Variants in ZNF711 observed in about 807,000 individuals in gnomAD.
The protein encoded by ZNF711 is ZFX family zinc finger ZNF711.
In ZNF711, 3 loss-of-function variants were observed where a neutral mutation model predicts 43.5. The ratio of observed to expected loss-of-function variants is 0.07; its 90% CI spans 0.03 to 0.18. ZNF711 has a LOEUF of 0.18. Ranked by LOEUF, ZNF711 falls within the 10% of genes least tolerant of loss-of-function variation. The pLI is 1.00. For missense variants in ZNF711, 412 were observed against 604.0 expected, an observed-to-expected ratio of 0.68 and a Z score of 3.33; for synonymous variants, 209 against 207.7, an observed-to-expected ratio of 1.01 and a Z score of -0.06.
At chrX:85,264,131 A>T in intron 5 of ZNF711, 144 bp from the exon 6 acceptor site, 1 of 489,620 alleles carries the variant, frequency 2.0e-6, no homozygotes, top group Non-Finnish European at 3.6e-6. Context: ...ATAGGTTATT[A>T]AGTGAATACA....
Position 85,247,638 on chromosome X carries a change from T to C in ZNF711, c.66T>C (p.Ile22=), listed in dbSNP as rs1304439538. The change falls in exon 4 of 11, where the codon ATT becomes ATC. Residue 22 remains isoleucine, a synonymous_variant. Transcript: ENST00000674551. The part of the protein sequence containing the change: ...TPDSRMAHTM[I]MQDFVAGMAG... ...ACTCTAGAATGGCCCATACCATGATTATGCAAGATTTTGGTAAAGCATTTT... is the reference window on the plus strand; with the variant it reads ...ACTCTAGAATGGCCCATACCATGATCATGCAAGATTTTGGTAAAGCATTTT... 20 of 1,207,005 alleles carry C rather than the reference T, an allele frequency of 1.7e-5. No homozygotes were observed. The highest frequency in any genetic ancestry group is 2.2e-5 in the Non-Finnish European group (20 of 892,183).
chrX:85,250,442 TATC>T (rs1437598077), intron 4 of ZNF711, among the ~76,000 whole-genome samples: 1 of 112,049 alleles, frequency 8.9e-6, no homozygotes, highest in Non-Finnish European at 1.9e-5. Flanking sequence ...ATTTTCATAT[TATC>T]ATTTAAAGCC....
In ZNF711 at chrX:85,247,614, C is replaced by T. The variant is rs202062695; in HGVS notation, c.42C>T (p.Asp14=). The change falls in exon 4 of 11, where the codon GAC becomes GAT. Residue 14 remains aspartate, a synonymous_variant. Transcript: ENST00000674551. ...GGGSLGLHTP[D]SRMAHTMIMQ... The stretch of plus-strand genomic sequence containing the variant: ...GAAGTCTTGGATTGCACACGCCAGA[C>T]TCTAGAATGGCCCATACCATGATTA... 65 of 1,209,303 alleles carry T rather than the reference C, an allele frequency of 5.4e-5. No homozygotes were observed. The Middle Eastern group carries it at 8.3e-3, about 154-fold the overall frequency.
chrX:85,268,241 T>C, intron 8 of ZNF711, 53 bp from the exon 9 acceptor site: 1 of 1,137,456 alleles, frequency 8.8e-7, no homozygotes, highest in Non-Finnish European at 1.2e-6. Context: ...GTAGTCATTA[T>C]AATTAGCATA....
intron 5 of ZNF711, among the ~76,000 whole-genome samples, chrX:85,258,334 A>C (rs1930354166): frequency 9.0e-6 from 1 of 110,904 alleles, no homozygotes. Context: ...ATGAGGATGC[A>C]AAGCATAAGA....
intron 4 of ZNF711, among the ~76,000 whole-genome samples, chrX:85,250,699 G>T (rs947589780): frequency 1.8e-5 from 2 of 111,390 alleles, no homozygotes; most frequent in Non-Finnish European, 3.8e-5. Flanking sequence ...TTCTGAATTT[G>T]CTATTAGATC....
intron 5 of ZNF711, among the ~76,000 whole-genome samples, chrX:85,257,383 C>T (rs762033410): frequency 1.3e-4 from 14 of 110,863 alleles, no homozygotes; most frequent in Non-Finnish European, 2.5e-4. Flanking sequence ...CCATGAGGAC[C>T]CCATGTTTAG....
Position 85,271,777 on chromosome X carries a change from A to C in ZNF711, c.2373A>C (p.Pro791=). The change falls in exon 11 of 11, where the codon CCA becomes CCC. Residue 791 remains proline (P), a synonymous_variant. Transcript: ENST00000674551. ...TCTGCAAGAAGGGATTCCGAAGACCATCAGAAAAAAATCAGCATATTATGA... is the reference window on the plus strand; with the variant it reads ...TCTGCAAGAAGGGATTCCGAAGACCCTCAGAAAAAAATCAGCATATTATGA... ...CEFCKKGFRR[P]SEKNQHIMRH... is the part of the protein sequence containing the mutation. 8.3e-7 allele frequency: 1 copy of C among 1,211,226 alleles called. No individual in the cohort carries two copies. Among genetic ancestry groups the C allele is most frequent in the Non-Finnish European group, 1.1e-6 (1 of 895,128 alleles).
rs376524517 is a variant in ZNF711, at chrX:85,264,450, T to C, written c.778+20T>C. 5.9e-6 allele frequency: 7 copies of C among 1,180,545 alleles called. No homozygotes were observed. Among genetic ancestry groups the C allele is most frequent in the Non-Finnish European group, 1.1e-6 (1 of 873,666 alleles). ...AAATAGGTACAAACACTAATTTTAA[T>C]TTATTGCTCCAATAGGAGTTATAAT... is the stretch of plus-strand genomic sequence containing the variant. On this transcript the variant is annotated intron_variant, in intron 6 of 10. Coordinates refer to ENST00000674551, the MANE Select transcript of ZNF711 (RefSeq NM_001330574.2).
intron 7 of ZNF711, among the ~76,000 whole-genome samples, chrX:85,265,665 A>G (rs1192818711): frequency 9.0e-6 from 1 of 110,769 alleles, no homozygotes; most frequent in Non-Finnish European, 1.9e-5. Context: ...GGAAAAAAAA[A>G]GATTCAGGGA....
At chrX:85,266,387 G>A (rs1931094721) in intron 7 of ZNF711, among the ~76,000 whole-genome samples, 1 of 111,261 alleles carries the variant, frequency 9.0e-6, no homozygotes, top group African/African-American at 3.3e-5. Context: ...AGTAGGAAAT[G>A]GAAGATTGAG....
intron 4 of ZNF711, among the ~76,000 whole-genome samples, chrX:85,254,970 G>A (rs1201585758): frequency 1.8e-5 from 2 of 111,404 alleles, no homozygotes; most frequent in Non-Finnish European, 3.8e-5. Context: ...GTTTTAATTG[G>A]AATGTAGTGA....
intron 7 of ZNF711, among the ~76,000 whole-genome samples, chrX:85,266,307 T>A (rs1446463871): frequency 9.0e-6 from 1 of 111,252 alleles, no homozygotes; most frequent in Non-Finnish European, 1.9e-5. Context: ...AGGAAAAGAG[T>A]TTAATCAAAT....
At chrX:85,257,653 G>T (rs1352064259) in intron 5 of ZNF711, among the ~76,000 whole-genome samples, 1 of 112,324 alleles carries the variant, frequency 8.9e-6, no homozygotes, top group Non-Finnish European at 1.9e-5. Context: ...GTGTCTTCAT[G>T]GTAGAATGAT....
chrX:85,270,242 A>C (rs12011767), intron 10 of ZNF711, 96 bp downstream of exon 10: 1 of 931,859 alleles, frequency 1.1e-6, no homozygotes, highest in Non-Finnish European at 1.5e-6. Flanking sequence ...TGGCAGTTCT[A>C]CTCTCCATGT....
In ZNF711 at chrX:85,255,542, C is replaced by A. The variant is rs1220278471; in HGVS notation, c.363C>A (p.Thr121=). The change falls in exon 5 of 11, where the codon ACC becomes ACA. Residue 121 remains threonine, a synonymous_variant. Coordinates refer to ENST00000674551, the MANE Select transcript of ZNF711 (RefSeq NM_001330574.2). ...TGACTTCTGAACTAATTACAGAAAC[C>A]GTTAGGGTACCAGAGCAGGTTTTCG... ...HILTSELITE[T]VRVPEQVFVA... The A allele has an allele frequency of 1.7e-6, 2 of 1,211,657 alleles. No homozygotes were observed. The highest frequency in any genetic ancestry group is 2.2e-6 in the Non-Finnish European group (2 of 895,536).
intron 8 of ZNF711, 65 bp downstream of exon 8, chrX:85,267,480 T>G: frequency 3.3e-6 from 3 of 908,939 alleles, no homozygotes; most frequent in Non-Finnish European, 4.2e-6. Context: ...CTTTAGGCCA[T>G]TAAATAAGCT....
intron 5 of ZNF711, among the ~76,000 whole-genome samples, chrX:85,261,983 T>G (rs1930689525): frequency 9.0e-6 from 1 of 111,137 alleles, no homozygotes. Flanking sequence ...GGATATAGAA[T>G]AAATCTTGGT....
chrX:85,244,136 G>GGCGGCGGCGGCGGCGGCA lies in ZNF711; in HGVS notation c.-450_-449insGGCGGCAGCGGCGGCGGC, dbSNP rs1569254892. On this transcript the variant is annotated 5_prime_UTR_variant, in exon 1 of 11. Transcript: ENST00000674551. ...CTGGCGGCACGGAGGCGGCGGCGGCGGCGGCGGCGGCAGCGGCGGCGGCAG... is the reference window on the plus strand; with the variant it reads ...CTGGCGGCACGGAGGCGGCGGCGGCGGCGGCGGCGGCGGCGGCAGCGGCGGCGGCAGCGGCGGCGGCAG... The GGCGGCGGCGGCGGCGGCA allele has an allele frequency of 4.7e-5, 7 of 148,321 alleles. No homozygotes were observed. Among genetic ancestry groups the GGCGGCGGCGGCGGCGGCA allele is most frequent in the African/African-American group, 2.3e-4 (7 of 30,697 alleles). The allele number at this position is 148,321 out of a possible 1,213,427, so 12.2% of individuals were successfully genotyped here. A position where few individuals can be genotyped will look rare whatever the true frequency, so the allele number is the denominator to read the frequency against.
Sources: allele counts gnomAD v4.1 joint callset (sites outside exome capture counted in the v4.1 genomes callset), GRCh38; gene constraint gnomAD v4.1.1; transcripts MANE v1.5; gene names NCBI Gene and HGNC (gene_info 2026-07-23, HGNC 2026-07-21).